The following YIPF4 variants were observed in gnomAD, a reference collection of about 807,000 sequenced individuals.
The protein encoded by YIPF4 is Yip1 domain family member 4.
A neutral mutation model predicts 29.4 loss-of-function variants in YIPF4; 18 were observed. That is an observed-to-expected ratio of 0.61 (90% CI 0.42 to 0.91). The LOEUF is 0.91. Ranked by LOEUF, YIPF4 falls within the 40% of genes least tolerant of loss-of-function variation. The pLI is 0.00. For missense variants in YIPF4, 279 were observed against 282.7 expected (o/e 0.99, Z 0.09); for synonymous variants, 115 against 104.7 (o/e 1.10, Z -0.60).
chr2:32,291,211 C>T (rs2030898466), intron 2 of YIPF4, among the ~76,000 whole-genome samples: 1 of 152,188 alleles, frequency 6.6e-6, no homozygotes, highest in Non-Finnish European at 1.5e-5. Flanking sequence ...AGAGTAAGTG[C>T]TGAAACATCC....
Position 32,305,644 on chromosome 2 carries a change from T to C in YIPF4, c.*18T>C, listed in dbSNP as rs1306403242. 1.9e-6 allele frequency: 3 copies of C among 1,541,792 alleles called. No homozygotes were observed. Among genetic ancestry groups the C allele is most frequent in the African/African-American group, 1.4e-5 (1 of 71,776 alleles). On this transcript the variant is annotated 3_prime_UTR_variant, in exon 6 of 6. Transcript: ENST00000238831. ...GTGTGTGATCCAAGTTATACATGAA[T>C]AGAAAAAGATGGTGTTAAATTTGTG...
chr2:32,302,570 T>C (rs1231578024), intron 5 of YIPF4, among the ~76,000 whole-genome samples: 2 of 152,158 alleles, frequency 1.3e-5, no homozygotes, highest in Admixed American at 6.5e-5. Context: ...AATCAACATA[T>C]ATACATATAT....
intron 4 of YIPF4, among the ~76,000 whole-genome samples, chr2:32,299,871 G>T (rs962559025): frequency 2.6e-5 from 4 of 152,204 alleles, no homozygotes; most frequent in Admixed American, 2.6e-4. Context: ...TGTAGTCCCA[G>T]CTACTTGGGA....
Position 32,306,309 on chromosome 2 carries a change from A to G in YIPF4, c.*683A>G. On this transcript the variant is annotated 3_prime_UTR_variant, in exon 6 of 6. Coordinates refer to ENST00000238831, the MANE Select transcript of YIPF4 (RefSeq NM_032312.4). ...TGATATATATTTGGTTTGTTTGGGT[A>G]TACTTTTCAAAACCATTTTTGAATG... 3 of 985,664 alleles carry G rather than the reference A, an allele frequency of 3.0e-6. No homozygotes were observed. The highest frequency in any genetic ancestry group is 4.7e-5 in the South Asian group (1 of 21,288). 61.1% of individuals were successfully genotyped at this position (985,664 alleles called of 1,614,324 possible). A position where few individuals can be genotyped will look rare whatever the true frequency, so the allele number is the denominator to read the frequency against.
chr2:32,313,568 G>T lies in YIPF4; in HGVS notation c.*7942G>T, dbSNP rs1390541993. ...TTTTTAGTAAAGACGGTTTCTCCAT[G>T]TAGGCCAAGCGGGTCTTGAACTCCC... On this transcript the variant is annotated 3_prime_UTR_variant, in exon 6 of 6. Transcript: ENST00000238831. 2 of 151,948 alleles carry T rather than the reference G, an allele frequency of 1.3e-5. No individual in the cohort carries two copies. The highest frequency in any genetic ancestry group is 2.9e-5 in the Non-Finnish European group (2 of 68,050). 9.4% of individuals were successfully genotyped at this position (151,948 alleles called of 1,614,324 possible). A position where few individuals can be genotyped will look rare whatever the true frequency, so the allele number is the denominator to read the frequency against.
intron 1 of YIPF4, among the ~76,000 whole-genome samples, chr2:32,281,260 A>G (rs2030400390): frequency 6.8e-6 from 1 of 147,916 alleles, no homozygotes; most frequent in African/African-American, 2.5e-5. Context: ...TCCTTTTTTG[A>G]GACAGAGTTT....
chr2:32,306,475 C>T lies in YIPF4; in HGVS notation c.*849C>T. ...CATCAGTAAATATTTTTAAGTGGTA[C>T]TTCTAAATCATAAAAGTTGGGGAAA... On this transcript the variant is annotated 3_prime_UTR_variant, in exon 6 of 6. Coordinates refer to ENST00000238831, the MANE Select transcript of YIPF4 (RefSeq NM_032312.4). 1.0e-6 allele frequency: 1 copy of T among 983,620 alleles called. No individual in the cohort carries two copies. 60.9% of individuals were successfully genotyped at this position (983,620 alleles called of 1,614,324 possible).
chr2:32,292,491 G>A (rs900983679), intron 3 of YIPF4, 143 bp downstream of exon 3: 21 of 613,180 alleles, frequency 3.4e-5, no homozygotes, highest in African/African-American at 1.9e-4. Context: ...CCCTAAAACC[G>A]TTCCATAATT....
intron 5 of YIPF4, among the ~76,000 whole-genome samples, chr2:32,304,716 T>A (rs1371384819): frequency 1.3e-5 from 2 of 152,200 alleles, no homozygotes; most frequent in African/African-American, 4.8e-5. Flanking sequence ...AACTCTGCCT[T>A]GTGCCAGGTC....
chr2:32,280,133 ATATT>A (rs2030327490), intron 1 of YIPF4, among the ~76,000 whole-genome samples: 1 of 146,276 alleles, frequency 6.8e-6, no homozygotes. Flanking sequence ...ATATATATAT[ATATT>A]TTTTTTTTGA....
chr2:32,304,376 C>T (rs2031506898), intron 5 of YIPF4, among the ~76,000 whole-genome samples: 1 of 151,238 alleles, frequency 6.6e-6, no homozygotes, highest in African/African-American at 2.4e-5. Flanking sequence ...TATATATTTC[C>T]CTGTACTTTT....
At chr2:32,291,955 T>C (rs762974250) in intron 2 of YIPF4, among the ~76,000 whole-genome samples, 10 of 152,202 alleles carry the variant, frequency 6.6e-5, no homozygotes, top group African/African-American at 2.4e-4. Context: ...AGGCTGACGA[T>C]TGTAAGACTC....
intron 3 of YIPF4, among the ~76,000 whole-genome samples, chr2:32,296,005 A>C (rs192680961): frequency 1.1e-3 from 171 of 152,308 alleles, no homozygotes; most frequent in Admixed American, 2.8e-3. Context: ...TTACTATACT[A>C]GTCCTATTAA....
In YIPF4 at chr2:32,292,156, AT is replaced by A. The variant is rs1558477007; in HGVS notation, c.234-16del. The A allele has an allele frequency of 7.1e-7, 1 of 1,403,164 alleles. No homozygotes were observed. Among genetic ancestry groups the A allele is most frequent in the Non-Finnish European group, 9.4e-7 (1 of 1,067,164 alleles). The allele number at this position is 1,403,164 out of a possible 1,614,324, so 86.9% of individuals were successfully genotyped here. A position where few individuals can be genotyped will look rare whatever the true frequency, so the allele number is the denominator to read the frequency against. ...ATTCAGAAATGTGTGCCTTTTGAGA[AT>A]TTTTATTTTAAAATTATAGGGAAGA... is the stretch of plus-strand genomic sequence containing the variant. On this transcript the variant is annotated intron_variant, in intron 2 of 5. Transcript: ENST00000238831.
chr2:32,292,657 T>C (rs372823674), intron 3 of YIPF4, among the ~76,000 whole-genome samples: 27 of 151,572 alleles, frequency 1.8e-4, no homozygotes, highest in African/African-American at 5.8e-4. Context: ...GGTCAGGAGA[T>C]TGAGACCATC....
Position 32,277,979 on chromosome 2 carries a change from T to G in YIPF4, c.-177T>G. ...CGCCACCAAGAAGACTTTGGTGGGG[T>G]AGTCTCGGGGCAGCTCAGCGGCCCG... On this transcript the variant is annotated 5_prime_UTR_variant, in exon 1 of 6. The change abolishes the stop of an existing upstream ORF in the 5' untranslated region. Coordinates refer to ENST00000238831, the MANE Select transcript of YIPF4 (RefSeq NM_032312.4). 2 of 547,826 alleles carry G rather than the reference T, an allele frequency of 3.7e-6. No homozygotes were observed. The highest frequency in any genetic ancestry group is 4.6e-5 in the South Asian group (2 of 43,352). The allele number at this position is 547,826 out of a possible 1,614,324, so 33.9% of individuals were successfully genotyped here. A position where few individuals can be genotyped will look rare whatever the true frequency, so the allele number is the denominator to read the frequency against.
intron 1 of YIPF4, among the ~76,000 whole-genome samples, chr2:32,283,464 C>T (rs1412614037): frequency 6.6e-6 from 1 of 152,066 alleles, no homozygotes; most frequent in Non-Finnish European, 1.5e-5. Flanking sequence ...CTAAAATGTG[C>T]TTTGGTGTTT....
At position 32,306,184 on chromosome 2, in the gene YIPF4, G is replaced by T. The variant is rs2031577217; in HGVS notation, c.*558G>T. On this transcript the variant is annotated 3_prime_UTR_variant, in exon 6 of 6. Coordinates refer to ENST00000238831, the MANE Select transcript of YIPF4 (RefSeq NM_032312.4). ...CTTTTTTATTTAAAAATTTAAATTT[G>T]TTTTTAAAATTGTATATAGTTTTTA... 1.2e-6 allele frequency: 1 copy of T among 857,784 alleles called. No homozygotes were observed. The highest frequency in any genetic ancestry group is 1.8e-5 in the African/African-American group (1 of 54,480). The allele number at this position is 857,784 out of a possible 1,614,324, so 53.1% of individuals were successfully genotyped here. A position where few individuals can be genotyped will look rare whatever the true frequency, so the allele number is the denominator to read the frequency against.
At chr2:32,302,844 G>T (rs1339811857) in intron 5 of YIPF4, among the ~76,000 whole-genome samples, 1 of 152,106 alleles carries the variant, frequency 6.6e-6, no homozygotes, top group Admixed American at 6.6e-5. Context: ...CAATATAAAA[G>T]AAATAATGAT....
Sources: gnomAD v4.1 joint callset for allele counts (sites outside exome capture counted in the v4.1 genomes callset) on GRCh38, gnomAD v4.1.1 for gene constraint, MANE v1.5 for transcripts, NCBI Gene and HGNC (gene_info 2026-07-23, HGNC 2026-07-21) for gene names.